The following DMD variants were observed in gnomAD, a reference collection of about 807,000 sequenced individuals.
DMD encodes the protein dystrophin.
A neutral mutation model predicts 330.1 loss-of-function variants in DMD; 63 were observed. That is an observed-to-expected ratio of 0.19 (90% confidence interval 0.16 to 0.24). DMD has a LOEUF of 0.24. Ranked by LOEUF, DMD falls within the 10% of genes least tolerant of loss-of-function variation. The pLI is 1.00. For missense variants in DMD, 3,344 were observed against 2,684.1 expected, an observed-to-expected ratio of 1.25 and a Z score of -5.43; for synonymous variants, 1,223 against 959.8, an observed-to-expected ratio of 1.27 and a Z score of -5.07.
chrX:32,633,300 C>T (rs923368505), intron 11 of DMD, among the ~76,000 whole-genome samples: 7 of 111,430 alleles, frequency 6.3e-5, no homozygotes, highest in African/African-American at 2.3e-4. Flanking sequence ...AGAGCATGGA[C>T]ATAATACAGC....
intron 59 of DMD, among the ~76,000 whole-genome samples, chrX:31,447,977 C>T (rs1361751893): frequency 4.1e-5 from 4 of 97,571 alleles, no homozygotes; most frequent in Admixed American, 1.2e-4. Context: ...ACTGCACTCA[C>T]TCCAGCCTGG....
intron 47 of DMD, 110 bp from the exon 48 acceptor site, chrX:31,875,483 C>A: frequency 1.6e-6 from 1 of 620,220 alleles, no homozygotes; most frequent in Admixed American, 3.2e-5. Context: ...CAGAATCTTA[C>A]TGATTTGTGT....
chrX:31,603,047 A>G (rs942397893), intron 55 of DMD, among the ~76,000 whole-genome samples: 50 of 111,384 alleles, frequency 4.5e-4, no homozygotes, highest in African/African-American at 1.3e-3. Context: ...AGAGATTTTG[A>G]AAAGTGTTGT....
intron 2 of DMD, among the ~76,000 whole-genome samples, chrX:32,865,204 A>G (rs2082386026): frequency 9.0e-6 from 1 of 111,495 alleles, no homozygotes; most frequent in African/African-American, 3.3e-5. Flanking sequence ...GAAAAATGGG[A>G]AGATAAAAGA....
intron 65 of DMD, 134 bp from the exon 66 acceptor site, chrX:31,206,801 C>T: frequency 1.9e-6 from 1 of 526,584 alleles, no homozygotes; most frequent in South Asian, 2.7e-5. Context: ...CTCTATTGAC[C>T]ACTGTTTTAT....
intron 52 of DMD, among the ~76,000 whole-genome samples, chrX:31,726,282 T>C (rs1007015923): frequency 1.8e-5 from 2 of 112,450 alleles, no homozygotes; most frequent in Non-Finnish European, 3.8e-5. Flanking sequence ...TGAATATTTC[T>C]AGTAGACATA....
intron 41 of DMD, among the ~76,000 whole-genome samples, chrX:32,337,162 A>G (rs954744484): frequency 1.8e-5 from 2 of 111,315 alleles, no homozygotes; most frequent in African/African-American, 6.5e-5. Flanking sequence ...GATTTGATGC[A>G]TTTTGCAGGT....
At chrX:31,243,732 A>C (rs2048574429) in intron 63 of DMD, among the ~76,000 whole-genome samples, 1 of 112,691 alleles carries the variant, frequency 8.9e-6, no homozygotes, top group Non-Finnish European at 1.9e-5. Flanking sequence ...GTAAATGGCT[A>C]CAGCCTTTTG....
chrX:32,781,509 A>G (rs1414869697), intron 7 of DMD, among the ~76,000 whole-genome samples: 2 of 111,429 alleles, frequency 1.8e-5, no homozygotes, highest in Non-Finnish European at 3.8e-5. Flanking sequence ...TTGCATTCTC[A>G]TATATAACTC....
intron 2 of DMD, among the ~76,000 whole-genome samples, chrX:32,910,532 C>T (rs978429188): frequency 9.0e-6 from 1 of 110,803 alleles, no homozygotes; most frequent in East Asian, 2.8e-4. Flanking sequence ...AATTCTCCTG[C>T]CAAGCGATTC....
intron 11 of DMD, among the ~76,000 whole-genome samples, chrX:32,627,544 A>G (rs2146549369): frequency 9.0e-6 from 1 of 110,947 alleles, no homozygotes; most frequent in South Asian, 3.8e-4. Flanking sequence ...GCCCCAATTT[A>G]CAGGTGGGGA....
intron 43 of DMD, among the ~76,000 whole-genome samples, chrX:32,254,898 G>T (rs1239328316): frequency 8.9e-6 from 1 of 111,773 alleles, no homozygotes; most frequent in African/African-American, 3.3e-5. Flanking sequence ...AGTGGCATTA[G>T]ATACATTCAC....
chrX:32,689,578 T>A (rs1158517489), intron 9 of DMD, among the ~76,000 whole-genome samples: 1 of 111,096 alleles, frequency 9.0e-6, no homozygotes, highest in Non-Finnish European at 1.9e-5. Context: ...AGGTCAGCAT[T>A]ACCAAAGCCA....
chrX:32,651,848 G>C (rs1183800171), intron 9 of DMD, among the ~76,000 whole-genome samples: 2 of 112,246 alleles, frequency 1.8e-5, no homozygotes, highest in Non-Finnish European at 3.8e-5. Context: ...AGAAGAAGCT[G>C]AGCAAAAAAT....
intron 34 of DMD, among the ~76,000 whole-genome samples, chrX:32,368,554 T>C (rs1483139846): frequency 6.3e-5 from 7 of 111,717 alleles, no homozygotes; most frequent in Non-Finnish European, 5.7e-5. Flanking sequence ...ACGAACCATT[T>C]TCTCTGGCTC....
intron 7 of DMD, among the ~76,000 whole-genome samples, chrX:32,734,775 A>G (rs906022665): frequency 9.2e-6 from 1 of 108,295 alleles, no homozygotes; most frequent in Admixed American, 9.8e-5. Flanking sequence ...CAAAATAATA[A>G]GAGCTATCTA....
At chrX:32,663,557 C>A (rs1168429720) in intron 9 of DMD, among the ~76,000 whole-genome samples, 2 of 111,464 alleles carry the variant, frequency 1.8e-5, no homozygotes, top group African/African-American at 3.3e-5. Flanking sequence ...GGAATTCTGG[C>A]TCTGTCACTT....
rs201165272 is a variant in DMD at position 32,364,573 on chromosome X, A to G, written c.5154+9T>C. On this transcript the variant is annotated intron_variant, in intron 36 of 78. Coordinates refer to ENST00000357033, the MANE Select transcript of DMD (RefSeq NM_004006.3). ...ATTTGGACATTACTTTTCATATTTT[A>G]TTTGCTACCTTAAGCACGTCTTCTT... 5.8e-6 allele frequency: 7 copies of G among 1,208,604 alleles called. No homozygotes were observed. The African/African-American group carries it at 8.7e-5, about 15-fold the overall frequency.
chrX:32,328,929 TGGACCATGGCAGACTGGCATTA>T (rs1442083751), intron 41 of DMD, among the ~76,000 whole-genome samples: 3 of 111,732 alleles, frequency 2.7e-5, no homozygotes, highest in Non-Finnish European at 5.6e-5. Flanking sequence ...TGAAAACTTC[TGGACCATGGCAGACTGGCATTA>T]GGATACCACT....
Sources: allele counts gnomAD v4.1 joint callset (sites outside exome capture counted in the v4.1 genomes callset), GRCh38; gene constraint gnomAD v4.1.1; transcripts MANE v1.5; gene names NCBI Gene and HGNC (gene_info 2026-07-23, HGNC 2026-07-21).